Variants in ABI1 observed in about 807,000 individuals in gnomAD.
ABI1 encodes abl interactor 1.
A neutral mutation model predicts 54.6 loss-of-function variants in ABI1; 14 were observed. The ratio of observed to expected loss-of-function variants is 0.26; its 90% CI spans 0.17 to 0.40. The LOEUF (loss-of-function observed/expected upper bound fraction) is 0.40. Ranked by LOEUF, ABI1 falls within the 10% of genes least tolerant of loss-of-function variation. The pLI, the probability that ABI1 is intolerant of heterozygous loss-of-function variation, is 1.00. For synonymous variants in ABI1, 194 were observed against 209.3 expected (o/e 0.93, Z 0.63); for missense variants, 443 against 598.3 (o/e 0.74, Z 2.71).
chr10:26,790,910 A>C (rs1218358209), intron 2 of ABI1, among the ~76,000 whole-genome samples: 1 of 152,014 alleles, frequency 6.6e-6, no homozygotes, highest in Non-Finnish European at 1.5e-5. Context: ...CTCTACAAAA[A>C]ATGCAAAAAA....
Position 26,748,362 on chromosome 10 carries a change from T to C in ABI1, c.*208A>G, listed in dbSNP as rs771167352. ...GTAAGTACATAAGCATAATCAGTTA[T>C]GGACAGCTTCTTGTATAAATTGCTA... On this transcript the variant is annotated 3_prime_UTR_variant, in exon 11 of 11. Transcript: ENST00000376140. The C allele has an allele frequency of 2.1e-6, 1 of 472,292 alleles. No individual in the cohort carries two copies. Among genetic ancestry groups the C allele is most frequent in the Non-Finnish European group, 3.8e-6 (1 of 265,674 alleles). 29.3% of individuals were successfully genotyped at this position (472,292 alleles called of 1,614,324 possible).
At chr10:26,835,986 C>G (rs961453003) in intron 1 of ABI1, among the ~76,000 whole-genome samples, 1 of 152,028 alleles carries the variant, frequency 6.6e-6, no homozygotes, top group African/African-American at 2.4e-5. Context: ...CTCCTGAACT[C>G]AAAGAATCCT....
At chr10:26,758,974 G>A in intron 8 of ABI1, 88 bp downstream of exon 8, 1 of 1,272,656 alleles carries the variant, frequency 7.9e-7, no homozygotes, top group Non-Finnish European at 1.1e-6. Context: ...TTCAATTGTT[G>A]TCTATCACTG....
intron 2 of ABI1, among the ~76,000 whole-genome samples, chr10:26,810,735 A>G (rs960664549): frequency 9.9e-5 from 15 of 152,144 alleles, no homozygotes. Flanking sequence ...CCTGCACTAG[A>G]TTAACTCGTC....
At chr10:26,755,620 T>C in intron 9 of ABI1, 35 bp downstream of exon 9, 1 of 1,535,316 alleles carries the variant, frequency 6.5e-7, no homozygotes, top group Non-Finnish European at 9.0e-7. Flanking sequence ...GGAGACAGCC[T>C]CTACTCTTCC....
At chr10:26,810,863 T>C (rs920688246) in intron 2 of ABI1, among the ~76,000 whole-genome samples, 9 of 150,994 alleles carry the variant, frequency 6.0e-5, no homozygotes, top group African/African-American at 2.2e-4. Context: ...AGCCAAAATG[T>C]GTTTCCTTGG....
intron 2 of ABI1, among the ~76,000 whole-genome samples, chr10:26,818,742 A>G (rs896316756): frequency 7.2e-5 from 11 of 151,988 alleles, no homozygotes; most frequent in African/African-American, 2.7e-4. Flanking sequence ...CTGTAATCCC[A>G]GTACTCTGGG....
At chr10:26,809,137 G>C (rs746338595) in intron 2 of ABI1, among the ~76,000 whole-genome samples, 18 of 151,978 alleles carry the variant, frequency 1.2e-4, no homozygotes, top group Non-Finnish European at 2.5e-4. Context: ...GAGCATGGTG[G>C]TGGGCGCCTT....
At position 26,746,725 on chromosome 10, in the gene ABI1, G is replaced by A. The variant is rs1836961634; in HGVS notation, c.*1845C>T. On this transcript the variant is annotated 3_prime_UTR_variant, in exon 11 of 11. Coordinates refer to ENST00000376140, the MANE Select transcript of ABI1 (RefSeq NM_001012750.3). ...AATCAAGGTATCTTGATGGTTATATGTGGTATTGTTTACACTGTTAATATC... is the reference window on the plus strand; with the variant it reads ...AATCAAGGTATCTTGATGGTTATATATGGTATTGTTTACACTGTTAATATC... 8.2e-6 allele frequency: 4 copies of A among 489,548 alleles called. No individual in the cohort carries two copies. Among genetic ancestry groups the A allele is most frequent in the South Asian group, 4.2e-5 (2 of 48,186 alleles). The allele number at this position is 489,548 out of a possible 1,614,324, so 30.3% of individuals were successfully genotyped here. A position where few individuals can be genotyped will look rare whatever the true frequency, so the allele number is the denominator to read the frequency against.
chr10:26,755,541 A>G (rs527696525), intron 9 of ABI1, 114 bp downstream of exon 9: 277 of 798,690 alleles, frequency 3.5e-4, no homozygotes, highest in Non-Finnish European at 5.2e-4. Context: ...GTCTGCACCT[A>G]TTTTCAAGAT....
chr10:26,793,705 C>T (rs913322024), intron 2 of ABI1, among the ~76,000 whole-genome samples: 1 of 152,094 alleles, frequency 6.6e-6, no homozygotes, highest in Non-Finnish European at 1.5e-5. Flanking sequence ...CATTTTTTAT[C>T]CAAACTAGAA....
intron 1 of ABI1, among the ~76,000 whole-genome samples, chr10:26,825,125 GACA>G (rs2048227376): frequency 6.6e-6 from 1 of 152,130 alleles, no homozygotes; most frequent in African/African-American, 2.4e-5. Context: ...CTTAAAATAA[GACA>G]ACAATGAAAT....
In ABI1 at chr10:26,842,462, C is replaced by T. The variant is rs201668094; in HGVS notation, c.117+18285G>A. Among the ~76,000 whole-genome samples the T allele has an allele frequency of 1.4e-4, 21 of 151,922 alleles. No individual in the cohort carries two copies. In the East Asian group the frequency reaches 4.1e-3, roughly 30 times the overall value. On this transcript the variant is annotated intron_variant, in intron 1 of 10. Transcript: ENST00000376140. ...CATTTATTTATTTTTGCTTTTATGG[C>T]CTAAGCTTTTAGTGTGGAATCCAAA...
rs1433374369 is a variant in ABI1, at chr10:26,777,284, T to C, written c.286-43A>G. The stretch of plus-strand genomic sequence containing the variant: ...CAAAACAAGAAAATATTATTTGACA[T>C]AATATGTTTGCTATCCATATACACT... On this transcript the variant is annotated intron_variant, in intron 2 of 10. Transcript: ENST00000376140. 6.0e-6 allele frequency: 9 copies of C among 1,507,092 alleles called. No individual in the cohort carries two copies. The Admixed American group carries it at 9.8e-5, about 16-fold the overall frequency. The allele number at this position is 1,507,092 out of a possible 1,614,324, so 93.4% of individuals were successfully genotyped here.
At chr10:26,851,630 G>A (rs2050402596) in intron 1 of ABI1, among the ~76,000 whole-genome samples, 1 of 152,044 alleles carries the variant, frequency 6.6e-6, no homozygotes, top group African/African-American at 2.4e-5. Flanking sequence ...TCAGTAAAGA[G>A]AGGAGGTATA....
chr10:26,818,667 G>A (rs528235216), intron 2 of ABI1, among the ~76,000 whole-genome samples: 2 of 147,018 alleles, frequency 1.4e-5, no homozygotes, highest in South Asian at 4.4e-4. Context: ...GCATTGTGGG[G>A]TTTAAAACAT....
intron 9 of ABI1, among the ~76,000 whole-genome samples, chr10:26,752,610 AAAAC>A (rs1471369622): frequency 1.1e-4 from 16 of 152,268 alleles, no homozygotes; most frequent in Non-Finnish European, 1.8e-4. Context: ...GTAATTAAAA[AAAAC>A]AAACAAAAAG....
At chr10:26,840,803 T>C (rs1412772106) in intron 1 of ABI1, among the ~76,000 whole-genome samples, 42 of 152,084 alleles carry the variant, frequency 2.8e-4, no homozygotes, top group Non-Finnish European at 2.9e-5. Context: ...CCCAGGCAAA[T>C]AGGTAATTTA....
chr10:26,842,459 T>C (rs2049593276), intron 1 of ABI1, among the ~76,000 whole-genome samples: 1 of 152,150 alleles, frequency 6.6e-6, no homozygotes, highest in Admixed American at 6.5e-5. Context: ...TTTGCTTTTA[T>C]GGCCTAAGCT....
Sources: gnomAD v4.1 joint callset for allele counts (sites outside exome capture counted in the v4.1 genomes callset) on GRCh38, gnomAD v4.1.1 for gene constraint, MANE v1.5 for transcripts, NCBI Gene and HGNC (gene_info 2026-07-23, HGNC 2026-07-21) for gene names.